Variants in THSD7A observed in about 807,000 individuals in gnomAD.
THSD7A encodes thrombospondin type-1 domain-containing protein 7A.
A neutral mutation model predicts 231.3 loss-of-function variants in THSD7A; 96 were observed. That is an observed-to-expected ratio of 0.41 (90% confidence interval 0.35 to 0.49). The LOEUF (loss-of-function observed/expected upper bound fraction) is 0.49. Ranked by LOEUF, THSD7A falls within the 20% of genes least tolerant of loss-of-function variation. The pLI is 0.05. For synonymous variants in THSD7A, 940 were observed against 743.3 expected (o/e 1.26, Z -4.30); for missense variants, 2,290 against 2,070.2 (o/e 1.11, Z -2.06).
At position 11,637,515 on chromosome 7, in the gene THSD7A, ACT is replaced by A. The variant is rs1223707693; in HGVS notation, c.191-556_191-555del. 6.6e-6 allele frequency among the ~76,000 whole-genome samples: 1 copy of A among 151,984 alleles called. No homozygotes were observed. Among genetic ancestry groups the A allele is most frequent in the African/African-American group, 2.4e-5 (1 of 41,366 alleles). On this transcript the variant is annotated intron_variant, in intron 1 of 27. Transcript: ENST00000423059. The surrounding 1 kb of genome is among the most constrained non-coding windows in gnomAD (Gnocchi z 4.2). ...TGTGCCACTAGAGCTTAAAGTGTTC[ACT>A]CTCTGGTTATCAAAACTAAGAAGCA...
chr7:11,405,254 A>G (rs1456451308), intron 22 of THSD7A, among the ~76,000 whole-genome samples: 3 of 151,832 alleles, frequency 2.0e-5, no homozygotes, highest in African/African-American at 7.3e-5. Context: ...CCATTTACAA[A>G]TTTTTGTTGA....
At chr7:11,496,965 A>G (rs1023910497) in intron 6 of THSD7A, among the ~76,000 whole-genome samples, 4 of 152,166 alleles carry the variant, frequency 2.6e-5, no homozygotes, top group Non-Finnish European at 5.9e-5. Flanking sequence ...ACGTAAATCA[A>G]TGTATTAGTC....
At chr7:11,655,322 T>C (rs183468169) in intron 1 of THSD7A, among the ~76,000 whole-genome samples, 1 of 151,904 alleles carries the variant, frequency 6.6e-6, no homozygotes, top group Non-Finnish European at 1.5e-5. Context: ...AAAGATGTTT[T>C]TTCAGGCTGG....
chr7:11,682,087 A>G (rs1237529986), intron 1 of THSD7A, among the ~76,000 whole-genome samples: 1 of 152,124 alleles, frequency 6.6e-6, no homozygotes, highest in Non-Finnish European at 1.5e-5. Context: ...GACCAACCCT[A>G]TAAGAGATGC....
chr7:11,608,205 T>A (rs1321767204), intron 2 of THSD7A, among the ~76,000 whole-genome samples: 1 of 152,188 alleles, frequency 6.6e-6, no homozygotes, highest in Non-Finnish European at 1.5e-5. Context: ...CTAAGTGGCA[T>A]GATTGATTTT....
intron 1 of THSD7A, among the ~76,000 whole-genome samples, chr7:11,693,762 T>A (rs1780305464): frequency 1.3e-5 from 2 of 151,662 alleles, no homozygotes; most frequent in Middle Eastern, 3.4e-3. Flanking sequence ...GCACAGGACC[T>A]GGCATGCAGC....
rs75977898 is a variant in THSD7A, at chr7:11,627,514, A to T, written c.1022+8616T>A. On this transcript the variant is annotated intron_variant, in intron 2 of 27. Coordinates refer to ENST00000423059, the MANE Select transcript of THSD7A (RefSeq NM_015204.3). ...TTAACAATTTTTCATGAAATCTTGG[A>T]CCTGACATAATATAAATGCAAAGTA... 2.7e-3 allele frequency among the ~76,000 whole-genome samples: 408 copies of T among 152,216 alleles called. 14 individuals carry two copies. The East Asian group carries it at 0.062, about 23-fold the overall frequency.
At chr7:11,613,829 T>C (rs1286830487) in intron 2 of THSD7A, among the ~76,000 whole-genome samples, 1 of 152,192 alleles carries the variant, frequency 6.6e-6, no homozygotes, top group African/African-American at 2.4e-5. Context: ...AACAATTATT[T>C]TGCTTATGGA....
chr7:11,596,034 G>T (rs1012589998), intron 2 of THSD7A, among the ~76,000 whole-genome samples: 2 of 152,162 alleles, frequency 1.3e-5, no homozygotes, highest in Non-Finnish European at 2.9e-5. Flanking sequence ...ATGGACAAAA[G>T]ACATTTGAAT....
chr7:11,406,877 C>T lies in THSD7A; in HGVS notation c.4062+33G>A, dbSNP rs1783599812. 6.2e-7 allele frequency: 1 copy of T among 1,611,954 alleles called. No homozygotes were observed. The highest frequency in any genetic ancestry group is 2.2e-5 in the East Asian group (1 of 44,846). ...AGATGAAGTCTCTGCAGATAGAGTA[C>T]ACACTTCCTGACAACTTCTTGAGAT... On this transcript the variant is annotated intron_variant, in intron 21 of 27. Transcript: ENST00000423059. This position sits in a 1 kb window ranked among gnomAD's most constrained non-coding sequence, Gnocchi z 4.7.
At position 11,460,731 on chromosome 7, in the gene THSD7A, C is replaced by T. The variant is rs1785474952; in HGVS notation, c.2536G>A (p.Val846Ile). Reference sequence around the variant, plus strand: ...CTGTCTTGTTGCACGCTCCAAGGGACTAATTGGCATCTGCGCCATTTGTGA... The same window carrying T: ...CTGTCTTGTTGCACGCTCCAAGGGATTAATTGGCATCTGCGCCATTTGTGA... ...KTHKWRRCQL[V>I]PWSVQQDSPG... is the part of the protein sequence containing the mutation. Residue 846 changes from valine (V) to isoleucine (I), a missense_variant, in exon 11 of 28, where the codon GTC becomes ATC. Transcript: ENST00000423059. 6.2e-7 allele frequency: 1 copy of T among 1,612,686 alleles called. No individual in the cohort carries two copies. The highest frequency in any genetic ancestry group is 8.5e-7 in the Non-Finnish European group (1 of 1,179,438).
chr7:11,666,398 A>C (rs1350183357), intron 1 of THSD7A, among the ~76,000 whole-genome samples: 3 of 149,426 alleles, frequency 2.0e-5, no homozygotes, highest in Non-Finnish European at 4.4e-5. Flanking sequence ...CAGAAAGCAA[A>C]GGTGTTAGAT....
chr7:11,747,535 C>G (rs1782349883), intron 1 of THSD7A, among the ~76,000 whole-genome samples: 1 of 151,822 alleles, frequency 6.6e-6, no homozygotes, highest in African/African-American at 2.4e-5. Context: ...TTCATTTATT[C>G]TTTTATACCA....
chr7:11,483,780 G>C (rs1269875931), intron 6 of THSD7A, among the ~76,000 whole-genome samples: 1 of 152,018 alleles, frequency 6.6e-6, no homozygotes, highest in Non-Finnish European at 1.5e-5. Flanking sequence ...AGAAAAGTTT[G>C]GGGCTAAAGT....
intron 1 of THSD7A, among the ~76,000 whole-genome samples, chr7:11,708,344 G>T (rs905322769): frequency 1.3e-5 from 2 of 150,518 alleles, no homozygotes; most frequent in Admixed American, 6.7e-5. Flanking sequence ...CTTTTCAAAG[G>T]TTTGAGAAAG....
chr7:11,825,303 A>G (rs1026406545), intron 1 of THSD7A, among the ~76,000 whole-genome samples: 1 of 152,122 alleles, frequency 6.6e-6, no homozygotes, highest in African/African-American at 2.4e-5. Flanking sequence ...TCTAAGGTGA[A>G]AAACAGAGCC....
chr7:11,784,668 T>A (rs1205113549), intron 1 of THSD7A, among the ~76,000 whole-genome samples: 1 of 152,146 alleles, frequency 6.6e-6, no homozygotes, highest in African/African-American at 2.4e-5. Context: ...ATATTTAATT[T>A]CTTAATATTT....
intron 4 of THSD7A, among the ~76,000 whole-genome samples, chr7:11,581,206 CATT>C (rs1211969597): frequency 2.6e-5 from 4 of 151,888 alleles, no homozygotes; most frequent in East Asian, 1.9e-4. Context: ...TCATTATCAT[CATT>C]GTTATTACTA....
intron 16 of THSD7A, among the ~76,000 whole-genome samples, chr7:11,418,744 A>G (rs1308653384): frequency 2.0e-5 from 3 of 152,154 alleles, no homozygotes; most frequent in Non-Finnish European, 2.9e-5. Flanking sequence ...ACATTCAAAC[A>G]CTGGAAAACT....
Sources: allele counts gnomAD v4.1 joint callset (sites outside exome capture counted in the v4.1 genomes callset), GRCh38; gene constraint gnomAD v4.1.1; non-coding constraint Gnocchi (gnomAD v3.1); transcripts MANE v1.5; gene names NCBI Gene and HGNC (gene_info 2026-07-23, HGNC 2026-07-21).